PCDH11X: variants seen among roughly 807,000 people sequenced by gnomAD.
The protein encoded by PCDH11X is protocadherin 11 X-linked.
Under a neutral mutation model 53.3 loss-of-function variants are expected in PCDH11X, and 18 were observed. That is an observed-to-expected ratio of 0.34 (90% CI 0.23 to 0.50). The LOEUF (loss-of-function observed/expected upper bound fraction) is 0.50, where lower values mean the gene tolerates loss of function less well. PCDH11X is among the 20% of genes least tolerant of loss of function. The pLI is 0.98. For synonymous variants in PCDH11X, 279 were observed against 393.3 expected, an observed-to-expected ratio of 0.71 and a Z score of 3.44; for missense variants, 570 against 1,032.4, an observed-to-expected ratio of 0.55 and a Z score of 6.14.
At chrX:91,907,566 C>A (rs1941228450) in intron 6 of PCDH11X, among the ~76,000 whole-genome samples, 1 of 108,015 alleles carries the variant, frequency 9.3e-6, no homozygotes, top group African/African-American at 3.4e-5. Context: ...ATGTCAAGGA[C>A]AGCCATATAT....
chrX:92,105,563 C>T (rs1487028833), intron 6 of PCDH11X, among the ~76,000 whole-genome samples: 4 of 106,810 alleles, frequency 3.7e-5, no homozygotes, highest in South Asian at 8.4e-4. Flanking sequence ...GGGGTGGGGC[C>T]GTTTTATAAG....
chrX:91,892,981 A>G (rs959214801), intron 6 of PCDH11X, among the ~76,000 whole-genome samples: 6 of 110,162 alleles, frequency 5.4e-5, no homozygotes, highest in African/African-American at 2.0e-4. Flanking sequence ...CAGAGAGTAT[A>G]TGACAAAAAT....
chrX:92,022,624 GA>G (rs2062904258), intron 6 of PCDH11X, among the ~76,000 whole-genome samples: 1 of 105,629 alleles, frequency 9.5e-6, no homozygotes, highest in East Asian at 3.0e-4. Flanking sequence ...AGATCAATGA[GA>G]CAGAAAATTA....
chrX:92,388,770 G>GGA (rs1556404205), intron 9 of PCDH11X, among the ~76,000 whole-genome samples: 1 of 105,335 alleles, frequency 9.5e-6, no homozygotes, highest in African/African-American at 3.5e-5. Context: ...AAACCAATAT[G>GGA]AAAAAAAATG....
chrX:92,037,008 A>G (rs1391420446), intron 6 of PCDH11X, among the ~76,000 whole-genome samples: 5 of 111,687 alleles, frequency 4.5e-5, no homozygotes, highest in Non-Finnish European at 7.5e-5. Context: ...GAGAGATATG[A>G]TTTAGGGTAT....
At chrX:92,283,018 A>T (rs920200730) in intron 8 of PCDH11X, among the ~76,000 whole-genome samples, 4 of 111,152 alleles carry the variant, frequency 3.6e-5, no homozygotes, top group African/African-American at 1.3e-4. Flanking sequence ...TGTGCCAAGA[A>T]GTATGTGAAG....
rs908486800 is a variant in PCDH11X at position 91,971,569 on chromosome X, C to T, written c.3033+92296C>T. 1.1e-4 allele frequency among the ~76,000 whole-genome samples: 12 copies of T among 111,555 alleles called. No homozygotes were observed. The Admixed American group carries it at 1.1e-3, about 11-fold the overall frequency. ...AGCTTTACCTCTAATAAAAACATAGCTTTTGGTTCTTAAAAAACAGTCACC... is the reference window on the plus strand; with the variant it reads ...AGCTTTACCTCTAATAAAAACATAGTTTTTGGTTCTTAAAAAACAGTCACC... On this transcript the variant is annotated intron_variant, in intron 6 of 10. Transcript: ENST00000682573.
intron 8 of PCDH11X, among the ~76,000 whole-genome samples, chrX:92,296,865 T>G (rs1325541889): frequency 1.2e-5 from 1 of 80,046 alleles, no homozygotes; most frequent in Non-Finnish European, 2.4e-5. Flanking sequence ...CATCCATCAG[T>G]GCATAAGCAT....
chrX:92,462,312 A>T (rs1218013672), intron 9 of PCDH11X, among the ~76,000 whole-genome samples: 1 of 110,858 alleles, frequency 9.0e-6, no homozygotes, highest in Non-Finnish European at 1.9e-5. Flanking sequence ...CAGATTGTAC[A>T]TTATTACCTT....
At chrX:92,004,195 A>G (rs2062558428) in intron 6 of PCDH11X, among the ~76,000 whole-genome samples, 1 of 111,869 alleles carries the variant, frequency 8.9e-6, no homozygotes, top group South Asian at 3.7e-4. Context: ...ATAGGTTTCA[A>G]AGTTCTTGTT....
In PCDH11X at chrX:92,330,391, A is replaced by AT. The variant is rs748067429; in HGVS notation, c.3145-57341dup. Among the ~76,000 whole-genome samples the AT allele has an allele frequency of 2.7e-5, 3 of 111,099 alleles. No individual in the cohort carries two copies. The East Asian group carries it at 8.5e-4, about 31-fold the overall frequency. On this transcript the variant is annotated intron_variant, in intron 8 of 10. Transcript: ENST00000682573. ...TCAGGGAAATGCAAAATAAAATAACATTTAGAATACTTAAAATTAAATTGA... is the reference window on the plus strand; with the variant it reads ...TCAGGGAAATGCAAAATAAAATAACATTTTAGAATACTTAAAATTAAATTGA...
chrX:91,874,530 T>A (rs1475868859), intron 5 of PCDH11X, among the ~76,000 whole-genome samples: 1 of 109,574 alleles, frequency 9.1e-6, no homozygotes, highest in Non-Finnish European at 1.9e-5. Flanking sequence ...TTAAATAACG[T>A]TGGAACAAAC....
rs1045951680 is a variant in PCDH11X at position 92,005,729 on chromosome X, A to G, written c.3033+126456A>G. On this transcript the variant is annotated intron_variant, in intron 6 of 10. Transcript: ENST00000682573. ...ATTTTCAGGTGATTATTTATTGCTT[A>G]TTAATGTCCTTTTCTTTCTAATTGA... Among the ~76,000 whole-genome samples, 3 of 111,681 alleles carry G rather than the reference A, an allele frequency of 2.7e-5. No individual in the cohort carries two copies. The Admixed American group carries it at 2.9e-4, about 11-fold the overall frequency.
In PCDH11X at chrX:91,877,950, C is replaced by T; in HGVS notation, c.1710C>T (p.Phe570=). The T allele has an allele frequency of 8.3e-7, 1 of 1,211,962 alleles. No individual in the cohort carries two copies. The highest frequency in any genetic ancestry group is 1.1e-6 in the Non-Finnish European group (1 of 895,505). ...ATCAGAATGACAATAGCCCAGTTTTCACTCACAATGAATACAACTTCTATG... is the reference window on the plus strand; with the variant it reads ...ATCAGAATGACAATAGCCCAGTTTTTACTCACAATGAATACAACTTCTATG... ...IIDQNDNSPV[F]THNEYNFYVP... is the part of the protein sequence containing the mutation. The change falls in exon 6 of 11, where the codon TTC becomes TTT. Residue 570 remains phenylalanine, a synonymous_variant. Transcript: ENST00000682573.
At chrX:92,520,160 G>A (rs1432423977) in intron 10 of PCDH11X, among the ~76,000 whole-genome samples, 8 of 109,657 alleles carry the variant, frequency 7.3e-5, no homozygotes, top group African/African-American at 9.9e-5. Context: ...ATACCTCGAC[G>A]ATATTGTGGG....
At chrX:91,989,217 T>C (rs1341240010) in intron 6 of PCDH11X, among the ~76,000 whole-genome samples, 20 of 109,320 alleles carry the variant, frequency 1.8e-4, no homozygotes, top group Admixed American at 1.1e-3. Flanking sequence ...AAAAAGCTAC[T>C]GTCATTGGAT....
chrX:92,403,350 T>G (rs1260756777), intron 9 of PCDH11X, among the ~76,000 whole-genome samples: 10 of 96,453 alleles, frequency 1.0e-4, no homozygotes, highest in African/African-American at 1.9e-4. Flanking sequence ...TTTTTTTTTT[T>G]TTTTTTTTTT....
rs1429151527 is a variant in PCDH11X at position 92,106,915 on chromosome X, A to G, written c.3034-94460A>G. On this transcript the variant is annotated intron_variant, in intron 6 of 10. Coordinates refer to ENST00000682573, the MANE Select transcript of PCDH11X (RefSeq NM_032968.5). ...ATGCCTCACTATACATCCCACCAGC[A>G]TTAGCATCAACACAGATCTTAAATC... 5.4e-5 allele frequency among the ~76,000 whole-genome samples: 6 copies of G among 111,644 alleles called. No homozygotes were observed. The East Asian group carries it at 1.4e-3, about 26-fold the overall frequency.
At chrX:92,222,775 C>T in intron 7 of PCDH11X, among the ~76,000 whole-genome samples, 1 of 111,531 alleles carries the variant, frequency 9.0e-6, no homozygotes, top group East Asian at 2.8e-4. Context: ...AACTCCACAT[C>T]CTTTCCCCTC....
Sources: allele counts gnomAD v4.1 joint callset (sites outside exome capture counted in the v4.1 genomes callset), GRCh38; gene constraint gnomAD v4.1.1; transcripts MANE v1.5; gene names NCBI Gene and HGNC (gene_info 2026-07-23, HGNC 2026-07-21).